Variants in HCN1 observed in about 807,000 individuals in gnomAD.
HCN1 encodes the protein hyperpolarization activated cyclic nucleotide gated potassium channel 1, also known as potassium/sodium hyperpolarization-activated cyclic nucleotide-gated channel 1.
Under a neutral mutation model 78.9 loss-of-function variants are expected in HCN1, and 13 were observed. The ratio of observed to expected loss-of-function variants is 0.16; its 90% CI spans 0.11 to 0.26. HCN1 has a LOEUF of 0.26. Among genes scored for constraint, HCN1 ranks in the 10% least tolerant of loss-of-function variants. The pLI is 1.00. For missense variants in HCN1, 810 were observed against 1,154.3 expected (o/e 0.70, Z 4.32); for synonymous variants, 552 against 455.5 (o/e 1.21, Z -2.70).
chr5:45,359,048 T>A (rs891934906), intron 4 of HCN1, among the ~76,000 whole-genome samples: 3 of 152,098 alleles, frequency 2.0e-5, no homozygotes, highest in Admixed American at 6.6e-5. Flanking sequence ...TATAAAAGCA[T>A]CAATGATTGG....
intron 4 of HCN1, among the ~76,000 whole-genome samples, chr5:45,395,133 A>C (rs931277455): frequency 6.6e-6 from 1 of 152,276 alleles, no homozygotes; most frequent in South Asian, 2.1e-4. Flanking sequence ...TTTCTTATTG[A>C]GAAAATGTAT....
intron 1 of HCN1, among the ~76,000 whole-genome samples, chr5:45,678,363 CT>C (rs1739635353): frequency 6.6e-6 from 1 of 151,842 alleles, no homozygotes; most frequent in African/African-American, 2.4e-5. Flanking sequence ...GACTCAAAGT[CT>C]AATAACAACT....
intron 3 of HCN1, among the ~76,000 whole-genome samples, chr5:45,454,854 C>T (rs916786400): frequency 1.3e-5 from 2 of 152,000 alleles, no homozygotes; most frequent in African/African-American, 4.8e-5. Flanking sequence ...ATGAATAATT[C>T]TCATTGCTTT....
At chr5:45,552,749 T>C (rs1000131806) in intron 2 of HCN1, among the ~76,000 whole-genome samples, 1 of 151,930 alleles carries the variant, frequency 6.6e-6, no homozygotes, top group Admixed American at 6.6e-5. Context: ...AGGAGGGTCA[T>C]TACAAATTTT....
At chr5:45,404,469 ATCACT>A (rs1352228468) in intron 3 of HCN1, among the ~76,000 whole-genome samples, 1 of 150,766 alleles carries the variant, frequency 6.6e-6, no homozygotes, top group Admixed American at 6.6e-5. Context: ...CATTTAGTTA[ATCACT>A]TCACTTAGGC....
intron 2 of HCN1, among the ~76,000 whole-genome samples, chr5:45,627,770 G>A (rs879145646): frequency 6.6e-6 from 1 of 151,880 alleles, no homozygotes; most frequent in Non-Finnish European, 1.5e-5. Context: ...TTAACTTCAG[G>A]GAAAATAGAC....
chr5:45,297,525 T>A (rs892236149), intron 6 of HCN1, among the ~76,000 whole-genome samples: 2 of 152,078 alleles, frequency 1.3e-5, no homozygotes, highest in African/African-American at 4.8e-5. Flanking sequence ...CAGTAAATTC[T>A]ACCAAATATT....
At chr5:45,479,625 G>C (rs1348150358) in intron 2 of HCN1, among the ~76,000 whole-genome samples, 1 of 152,124 alleles carries the variant, frequency 6.6e-6, no homozygotes, top group Non-Finnish European at 1.5e-5. Flanking sequence ...AGGCACAGTG[G>C]CTCCTAGGTT....
chr5:45,482,479 C>T (rs1242834166), intron 2 of HCN1, among the ~76,000 whole-genome samples: 3 of 152,058 alleles, frequency 2.0e-5, no homozygotes, highest in Admixed American at 1.3e-4. Context: ...AGAAAAATAG[C>T]AAAAAGACTT....
intron 3 of HCN1, among the ~76,000 whole-genome samples, chr5:45,418,640 T>A (rs1740164540): frequency 6.6e-6 from 1 of 151,964 alleles, no homozygotes; most frequent in Admixed American, 6.6e-5. Context: ...CTAATGCTGA[T>A]AAATCAACGT....
intron 1 of HCN1, among the ~76,000 whole-genome samples, chr5:45,675,848 T>C (rs561764996): frequency 2.0e-5 from 3 of 151,942 alleles, no homozygotes; most frequent in African/African-American, 7.2e-5. Context: ...ATAGCATGAA[T>C]AAATGGTTGA....
intron 6 of HCN1, among the ~76,000 whole-genome samples, chr5:45,286,035 T>A (rs935158087): frequency 1.3e-5 from 2 of 151,844 alleles, no homozygotes; most frequent in Non-Finnish European, 2.9e-5. Context: ...AAAAACTAAG[T>A]TTCTAAGATT....
chr5:45,660,450 AC>A (rs1249481091), intron 1 of HCN1, among the ~76,000 whole-genome samples: 1 of 140,578 alleles, frequency 7.1e-6, no homozygotes, highest in Admixed American at 7.2e-5. Flanking sequence ...TTCACACATA[AC>A]AATATTAACT....
chr5:45,563,546 T>C (rs1335029779), intron 2 of HCN1, among the ~76,000 whole-genome samples: 2 of 152,084 alleles, frequency 1.3e-5, no homozygotes, highest in Non-Finnish European at 2.9e-5. Context: ...GAAAGTGATA[T>C]AAGATTTACA....
chr5:45,661,112 C>T (rs1375930956), intron 1 of HCN1, among the ~76,000 whole-genome samples: 1 of 148,736 alleles, frequency 6.7e-6, no homozygotes, highest in African/African-American at 2.5e-5. Context: ...GTCTCTCAGA[C>T]CACGGTGCAA....
intron 2 of HCN1, among the ~76,000 whole-genome samples, chr5:45,606,692 A>T (rs1046103434): frequency 5.9e-5 from 9 of 152,016 alleles, no homozygotes; most frequent in African/African-American, 1.9e-4. Context: ...AAGGTAAAAA[A>T]ATGAAAATAA....
At chr5:45,408,767 C>A (rs1236520206) in intron 3 of HCN1, among the ~76,000 whole-genome samples, 1 of 152,016 alleles carries the variant, frequency 6.6e-6, no homozygotes, top group Non-Finnish European at 1.5e-5. Context: ...TTTAATGCTG[C>A]TATTTTGAGG....
rs976374108 is a variant in HCN1, at chr5:45,255,551, G to C, written c.*6370C>G. 1 of 152,152 alleles carries C rather than the reference G, an allele frequency of 6.6e-6. No individual in the cohort carries two copies. Among genetic ancestry groups the C allele is most frequent in the Non-Finnish European group, 1.5e-5 (1 of 68,016 alleles). The allele number at this position is 152,152 out of a possible 1,614,324, so 9.4% of individuals were successfully genotyped here. A position where few individuals can be genotyped will look rare whatever the true frequency, so the allele number is the denominator to read the frequency against. On this transcript the variant is annotated 3_prime_UTR_variant, in exon 8 of 8. Coordinates refer to ENST00000303230, the MANE Select transcript of HCN1 (RefSeq NM_021072.4). ...ACACTTTCCACAGTGAGGCACGCAA[G>C]AACATTTAGAACTGCACATTTTAAA...
chr5:45,658,419 A>G (rs1191060687), intron 1 of HCN1, among the ~76,000 whole-genome samples: 2 of 152,220 alleles, frequency 1.3e-5, no homozygotes, highest in East Asian at 3.9e-4. Context: ...GCTTCTGCAT[A>G]GCAAAAGAAA....
Sources: allele counts gnomAD v4.1 joint callset (sites outside exome capture counted in the v4.1 genomes callset), GRCh38; gene constraint gnomAD v4.1.1; transcripts MANE v1.5; gene names NCBI Gene and HGNC (gene_info 2026-07-23, HGNC 2026-07-21).